Variants in CBLN2 observed in about 807,000 individuals in gnomAD.
CBLN2 encodes the protein cerebellin-2.
CBLN2 carries 7 observed loss-of-function variants against 15.0 expected under a neutral mutation model. The observed-to-expected ratio is 0.47, with a 90% CI of 0.27 to 0.88. The LOEUF (loss-of-function observed/expected upper bound fraction) is 0.88. Ranked by LOEUF, CBLN2 falls within the 40% of genes least tolerant of loss-of-function variation. CBLN2 has a pLI of 0.14. For missense variants in CBLN2, 242 were observed against 304.5 expected (o/e 0.79, Z 1.53); for synonymous variants, 149 against 135.2 (o/e 1.10, Z -0.71).
chr18:72,573,845 T>C (rs775329300), intron 1 of CBLN2, among the ~76,000 whole-genome samples: 17 of 152,206 alleles, frequency 1.1e-4, no homozygotes, highest in Non-Finnish European at 1.9e-4. Context: ...TAAGTAGTTT[T>C]GTAAGAAACT....
intron 1 of CBLN2, among the ~76,000 whole-genome samples, chr18:72,636,308 A>G (rs1383586173): frequency 1.3e-5 from 2 of 152,228 alleles, no homozygotes; most frequent in African/African-American, 4.8e-5. Context: ...TACACCTTAT[A>G]CAACAAGCAC....
chr18:72,628,424 C>G (rs987427558), intron 1 of CBLN2, among the ~76,000 whole-genome samples: 3 of 152,198 alleles, frequency 2.0e-5, no homozygotes, highest in African/African-American at 7.2e-5. Flanking sequence ...AGAAACTGAG[C>G]TGTCATTCAG....
intron 1 of CBLN2, among the ~76,000 whole-genome samples, chr18:72,610,640 T>C (rs530077120): frequency 5.2e-4 from 79 of 152,322 alleles, no homozygotes; most frequent in African/African-American, 1.9e-3. Flanking sequence ...TGAAGCAATG[T>C]AGAAATCAAT....
At chr18:72,540,575 C>A (rs1425484065) in intron 3 of CBLN2, among the ~76,000 whole-genome samples, 2 of 152,016 alleles carry the variant, frequency 1.3e-5, no homozygotes, top group Admixed American at 1.3e-4. Context: ...GTATTAGTTC[C>A]CAAATGCCTA....
At chr18:72,546,239 C>T (rs1330204421), upstream of CBLN2, among the ~76,000 whole-genome samples, 1 of 152,112 alleles carries the variant, frequency 6.6e-6, no homozygotes, top group Non-Finnish European at 1.5e-5. Context: ...AGATTGAGAC[C>T]ATCCTGGCTA....
At chr18:72,618,719 T>G in intron 1 of CBLN2, 1 of 720,548 alleles carries the variant, frequency 1.4e-6, no homozygotes, top group Non-Finnish European at 2.5e-6. Context: ...GCCTTCATAA[T>G]CTTTGATGAC....
intron 1 of CBLN2, among the ~76,000 whole-genome samples, chr18:72,617,931 C>T (rs143409477): frequency 7.3e-5 from 11 of 150,622 alleles, no homozygotes; most frequent in South Asian, 6.3e-4. Flanking sequence ...TATTCCAGAA[C>T]GAGAAAAAGA....
At chr18:72,559,293 T>C (rs528530561) in intron 1 of CBLN2, among the ~76,000 whole-genome samples, 1 of 152,304 alleles carries the variant, frequency 6.6e-6, no homozygotes, top group South Asian at 2.1e-4. Flanking sequence ...AGTTCCCTTT[T>C]CAGAGGTGAA....
chr18:72,607,541 A>AC (rs1202200757), intron 1 of CBLN2, among the ~76,000 whole-genome samples: 3 of 152,176 alleles, frequency 2.0e-5, no homozygotes, highest in Admixed American at 2.0e-4. Context: ...CTTCTAGAGC[A>AC]CCCCACCAAA....
chr18:72,577,823 T>G, intron 1 of CBLN2, among the ~76,000 whole-genome samples: 1 of 152,214 alleles, frequency 6.6e-6, no homozygotes, highest in East Asian at 1.9e-4. Flanking sequence ...GATGAGCATT[T>G]GTAGCATAAT....
chr18:72,620,596 G>A (rs1264748738), intron 1 of CBLN2: 1 of 152,174 alleles, frequency 6.6e-6, no homozygotes, highest in Non-Finnish European at 1.5e-5. Context: ...GTGGGCTGTT[G>A]GTAGTATAGG....
intron 1 of CBLN2, chr18:72,619,095 G>C: frequency 1.3e-6 from 1 of 747,518 alleles, no homozygotes; most frequent in Non-Finnish European, 2.4e-6. Flanking sequence ...CATGAAGAGA[G>C]TAAATTTTGG....
In CBLN2 at chr18:72,580,586, C is replaced by CAT. The variant is rs144461792; in HGVS notation, c.16-41816_16-41815dup. On this transcript the variant is annotated intron_variant, in intron 1 of 2. Coordinates refer to the CBLN2 transcript ENST00000581073. The stretch of plus-strand genomic sequence containing the variant: ...AATTTCATAGAATTGGAATCACACA[C>CAT]ATATATATATATACATTTTGCCTTT... 1.5e-4 allele frequency among the ~76,000 whole-genome samples: 22 copies of CAT among 151,492 alleles called. No homozygotes were observed. The East Asian group carries it at 1.5e-3, about 11-fold the overall frequency.
rs1217310261 is a variant in CBLN2 at position 72,615,037 on chromosome 18, AT to A, written c.15+23287del. 4.1e-3 allele frequency among the ~76,000 whole-genome samples: 568 copies of A among 137,620 alleles called. 11 individuals carry two copies. The highest frequency in any genetic ancestry group is 0.01 in the African/African-American group (383 of 37,228). 90.3% of individuals were successfully genotyped at this position (137,620 alleles called of 152,430 possible). A position where few individuals can be genotyped will look rare whatever the true frequency, so the allele number is the denominator to read the frequency against. On this transcript the variant is annotated intron_variant, in intron 1 of 2. Coordinates refer to the CBLN2 transcript ENST00000581073. Reference sequence around the variant, plus strand: ...TTAGCAACTTAAGGAGATCAAGTACATATATATATATATATATATAAATATA... The same window carrying A: ...TTAGCAACTTAAGGAGATCAAGTACAATATATATATATATATATAAATATA...
Position 72,618,965 on chromosome 18 carries a change from A to G in CBLN2, c.15+19360T>C, listed in dbSNP as rs1386676979. 1.1e-5 allele frequency: 8 copies of G among 748,196 alleles called. No homozygotes were observed. The Admixed American group carries it at 1.2e-4, about 11-fold the overall frequency. The allele number at this position is 748,196 out of a possible 1,614,324, so 46.3% of individuals were successfully genotyped here. ...GGTGGCTTTGGTGGCAGCCATGGTG[A>G]TGGTGGATATGGTGGCAGCGGGGAT... On this transcript the variant is annotated intron_variant, in intron 1 of 2. Coordinates refer to the CBLN2 transcript ENST00000581073.
chr18:72,597,826 C>T (rs1194112608), intron 1 of CBLN2, among the ~76,000 whole-genome samples: 2 of 152,206 alleles, frequency 1.3e-5, no homozygotes, highest in Non-Finnish European at 2.9e-5. Context: ...CCAGAACTGC[C>T]CAGGCCCACA....
rs976862299 is a variant in CBLN2, at chr18:72,579,476, T to C, written c.16-40704A>G. On this transcript the variant is annotated intron_variant, in intron 1 of 2. Transcript: ENST00000581073. ...CTAAGAACTAGTAATACCACGCCTG[T>C]AATCCCAGCACTTTGGGAGGCCGAG... 7.2e-5 allele frequency among the ~76,000 whole-genome samples: 11 copies of C among 152,260 alleles called. No homozygotes were observed. The South Asian group carries it at 1.2e-3, about 17-fold the overall frequency.
intron 1 of CBLN2, among the ~76,000 whole-genome samples, chr18:72,549,965 T>C (rs2069182016): frequency 6.6e-6 from 1 of 152,186 alleles, no homozygotes; most frequent in Non-Finnish European, 1.5e-5. Flanking sequence ...CTAACAGCAA[T>C]AGCAGAGGGA....
chr18:72,620,786 C>T (rs972224726), intron 1 of CBLN2, among the ~76,000 whole-genome samples: 1 of 152,098 alleles, frequency 6.6e-6, no homozygotes, highest in African/African-American at 2.4e-5. Flanking sequence ...TCAGATCTTC[C>T]AACAACTTTT....
Sources: gnomAD v4.1 joint callset for allele counts (sites outside exome capture counted in the v4.1 genomes callset) on GRCh38, gnomAD v4.1.1 for gene constraint, MANE v1.5 for transcripts, NCBI Gene and HGNC (gene_info 2026-07-23, HGNC 2026-07-21) for gene names.